The following GRID2 variants were observed in gnomAD, a reference collection of about 807,000 sequenced individuals.
GRID2 encodes the protein glutamate ionotropic receptor delta type subunit 2.
GRID2 carries 33 observed loss-of-function variants against 114.8 expected under a neutral mutation model. That is an observed-to-expected ratio of 0.29 (90% confidence interval 0.22 to 0.38). The LOEUF is 0.38. Among genes scored for constraint, GRID2 ranks in the 10% least tolerant of loss-of-function variants. GRID2 has a pLI of 1.00. For synonymous variants in GRID2, 505 were observed against 449.9 expected (o/e 1.12, Z -1.55); for missense variants, 1,184 against 1,257.7 (o/e 0.94, Z 0.89).
At chr4:93,255,185 T>C (rs1032678307) in intron 8 of GRID2, among the ~76,000 whole-genome samples, 8 of 152,122 alleles carry the variant, frequency 5.3e-5, no homozygotes, top group African/African-American at 1.4e-4. Context: ...AGGCATTATT[T>C]TTTCTGATGA....
intron 10 of GRID2, among the ~76,000 whole-genome samples, chr4:93,427,261 A>G (rs1358007164): frequency 6.6e-6 from 1 of 151,940 alleles, no homozygotes; most frequent in Admixed American, 6.6e-5. Flanking sequence ...AGGTGTATTT[A>G]CCCCTATAAA....
At chr4:92,667,740 G>A (rs1256737917) in intron 2 of GRID2, among the ~76,000 whole-genome samples, 1 of 151,548 alleles carries the variant, frequency 6.6e-6, no homozygotes, top group Non-Finnish European at 1.5e-5. Context: ...ATTGTATACA[G>A]TGTTGGAATA....
At chr4:93,622,643 GA>G (rs1742314787) in intron 13 of GRID2, among the ~76,000 whole-genome samples, 2 of 152,116 alleles carry the variant, frequency 1.3e-5, no homozygotes, top group Non-Finnish European at 2.9e-5. Flanking sequence ...TTTCTTTAGG[GA>G]AAAAACTTTT....
chr4:93,019,288 T>A (rs889228076), intron 2 of GRID2, among the ~76,000 whole-genome samples: 2 of 152,212 alleles, frequency 1.3e-5, no homozygotes, highest in African/African-American at 4.8e-5. Context: ...CAATTTTTTT[T>A]ATTACTTACA....
chr4:92,529,036 A>G (rs1481622451), intron 1 of GRID2, among the ~76,000 whole-genome samples: 3 of 152,106 alleles, frequency 2.0e-5, no homozygotes, highest in Non-Finnish European at 2.9e-5. Flanking sequence ...TCCACAGTAG[A>G]TGAATTCTCT....
intron 14 of GRID2, among the ~76,000 whole-genome samples, chr4:93,696,395 TA>T (rs1727023775): frequency 6.6e-6 from 1 of 152,204 alleles, no homozygotes; most frequent in African/African-American, 2.4e-5. Flanking sequence ...AAAATAAGAA[TA>T]ACCTCCTAAT....
chr4:93,776,922 A>G (rs1183733886), downstream of GRID2, among the ~76,000 whole-genome samples: 1 of 152,268 alleles, frequency 6.6e-6, no homozygotes, highest in Non-Finnish European at 1.5e-5. Flanking sequence ...TGCAAATCTA[A>G]TGAGTCATGA....
intron 4 of GRID2, among the ~76,000 whole-genome samples, chr4:93,185,750 A>AT (rs1348522791): frequency 6.6e-6 from 1 of 152,086 alleles, no homozygotes. Context: ...ATACACACCA[A>AT]TTTTTTTATA....
At chr4:92,693,025 A>G (rs1734251458) in intron 2 of GRID2, among the ~76,000 whole-genome samples, 1 of 150,498 alleles carries the variant, frequency 6.6e-6, no homozygotes, top group South Asian at 2.1e-4. Context: ...TGTCTCAAAA[A>G]AAAAAAAAGA....
At chr4:93,237,976 T>C (rs552900434) in intron 7 of GRID2, among the ~76,000 whole-genome samples, 60 of 152,022 alleles carry the variant, frequency 3.9e-4, no homozygotes, top group African/African-American at 1.4e-3. Flanking sequence ...AAGAAGATTG[T>C]TGAAATCTAT....
At chr4:93,676,518 C>T (rs1724871121) in intron 14 of GRID2, among the ~76,000 whole-genome samples, 1 of 152,238 alleles carries the variant, frequency 6.6e-6, no homozygotes, top group South Asian at 2.1e-4. Context: ...TCCGTGGCTT[C>T]TGCTCACACA....
At chr4:93,519,373 G>A (rs183865059) in intron 13 of GRID2, among the ~76,000 whole-genome samples, 2 of 152,120 alleles carry the variant, frequency 1.3e-5, no homozygotes, top group Non-Finnish European at 1.5e-5. Context: ...CTCTTAAAAC[G>A]CAAATACATC....
intron 13 of GRID2, among the ~76,000 whole-genome samples, chr4:93,560,328 C>A (rs1477367894): frequency 2.1e-5 from 3 of 140,806 alleles, no homozygotes; most frequent in African/African-American, 8.0e-5. Context: ...GCAGGCTATA[C>A]AAACATGGCA....
intron 4 of GRID2, among the ~76,000 whole-genome samples, chr4:93,148,440 G>T (rs183755446): frequency 2.0e-5 from 3 of 152,158 alleles, no homozygotes; most frequent in Middle Eastern, 6.8e-3. Context: ...GAGACCTTGC[G>T]TGAAGGAAAA....
intron 2 of GRID2, among the ~76,000 whole-genome samples, chr4:92,869,353 C>CA (rs1479286186): frequency 1.3e-5 from 2 of 151,938 alleles, no homozygotes; most frequent in African/African-American, 4.8e-5. Context: ...AGGCAGTACC[C>CA]AAAAAACATT....
At chr4:92,646,133 T>G (rs1488224214) in intron 2 of GRID2, among the ~76,000 whole-genome samples, 2 of 23,414 alleles carry the variant, frequency 8.5e-5, no homozygotes, top group Non-Finnish European at 2.3e-4. Flanking sequence ...AATGGAACGT[T>G]TGGGTGGGTG....
intron 11 of GRID2, among the ~76,000 whole-genome samples, chr4:93,471,761 C>T (rs1297896819): frequency 8.6e-5 from 7 of 81,646 alleles, no homozygotes; most frequent in East Asian, 2.6e-4. Flanking sequence ...AGTGCAATGG[C>T]GTGATCTCGG....
intron 14 of GRID2, among the ~76,000 whole-genome samples, chr4:93,741,159 C>CTATATATATATATACATATATATA (rs1167244999): frequency 2.1e-5 from 1 of 47,186 alleles, no homozygotes; most frequent in Non-Finnish European, 3.4e-5. Context: ...ACCTGAGAAA[C>CTATATATATATATACATATATATA]TATATATATA....
chr4:93,128,077 T>G (rs951444183), intron 4 of GRID2, among the ~76,000 whole-genome samples: 2 of 136,630 alleles, frequency 1.5e-5, no homozygotes, highest in Non-Finnish European at 1.5e-5. Context: ...ACGTGCTATA[T>G]TGGTTTTACA....
Sources: allele counts gnomAD v4.1 joint callset (sites outside exome capture counted in the v4.1 genomes callset), GRCh38; gene constraint gnomAD v4.1.1; transcripts MANE v1.5; gene names NCBI Gene and HGNC (gene_info 2026-07-23, HGNC 2026-07-21).